SLC39A11: variants seen among roughly 807,000 people sequenced by gnomAD.
SLC39A11 encodes the protein zinc transporter ZIP11.
Under a neutral mutation model 36.1 loss-of-function variants are expected in SLC39A11, and 33 were observed. That is an observed-to-expected ratio of 0.91 (90% confidence interval 0.69 to 1.22). The LOEUF is 1.22. Ranked by LOEUF, SLC39A11 falls within the 50% of genes most tolerant of loss-of-function variation. The pLI, the probability that SLC39A11 is intolerant of heterozygous loss-of-function variation, is 0.00. For missense variants in SLC39A11, 432 were observed against 430.3 expected (o/e 1.00, Z -0.03); for synonymous variants, 166 against 170.3 (o/e 0.97, Z 0.20).
intron 5 of SLC39A11, among the ~76,000 whole-genome samples, chr17:72,903,704 G>A (rs1389854329): frequency 6.6e-6 from 1 of 152,148 alleles, no homozygotes; most frequent in Non-Finnish European, 1.5e-5. Flanking sequence ...GATAATGGAG[G>A]AAATCAATGT....
At chr17:72,784,890 C>T (rs1184488471) in intron 6 of SLC39A11, among the ~76,000 whole-genome samples, 5 of 147,490 alleles carry the variant, frequency 3.4e-5, no homozygotes, top group Non-Finnish European at 7.4e-5. Context: ...GATGGAATCT[C>T]GCTCTGTCGC....
intron 4 of SLC39A11, among the ~76,000 whole-genome samples, chr17:72,953,662 A>C (rs1217551286): frequency 6.6e-6 from 1 of 152,198 alleles, no homozygotes; most frequent in Non-Finnish European, 1.5e-5. Flanking sequence ...GGCCCCCCCT[A>C]CAAAGCACGT....
intron 6 of SLC39A11, among the ~76,000 whole-genome samples, chr17:72,783,550 T>C (rs1188245797): frequency 1.3e-5 from 2 of 152,246 alleles, no homozygotes; most frequent in East Asian, 3.8e-4. Flanking sequence ...GCCAGATGGC[T>C]GGAGGGCAGC....
chr17:72,689,815 C>T (rs562394078), intron 7 of SLC39A11, among the ~76,000 whole-genome samples: 1 of 152,228 alleles, frequency 6.6e-6, no homozygotes, highest in East Asian at 1.9e-4. Context: ...AGGGTGGCTG[C>T]TTATGGGTAT....
chr17:72,878,344 C>A (rs1237369771), intron 5 of SLC39A11, among the ~76,000 whole-genome samples: 2 of 152,126 alleles, frequency 1.3e-5, no homozygotes, highest in Non-Finnish European at 2.9e-5. Context: ...TTGGGGATTT[C>A]CAGAAAAAGA....
intron 7 of SLC39A11, among the ~76,000 whole-genome samples, chr17:72,704,046 C>T (rs754353260): frequency 1.3e-5 from 2 of 152,184 alleles, no homozygotes; most frequent in African/African-American, 2.4e-5. Context: ...GAGAACCACT[C>T]GAACCTGGGA....
At position 73,054,311 on chromosome 17, in the gene SLC39A11, A is replaced by G. The variant is rs986804401; in HGVS notation, c.148-22597T>C. Among the ~76,000 whole-genome samples the G allele has an allele frequency of 3.3e-5, 5 of 151,886 alleles. No homozygotes were observed. In the East Asian group the frequency reaches 7.7e-4, roughly 23 times the overall value. ...CGGGAGGCGGAGGTTGCAGTGAGCC[A>G]AGATCGCCACTGCACTCCAGCCTGG... is the stretch of plus-strand genomic sequence containing the variant. On this transcript the variant is annotated intron_variant, in intron 3 of 9. Transcript: ENST00000255559.
chr17:72,832,316 C>T (rs1199441474), intron 6 of SLC39A11, among the ~76,000 whole-genome samples: 1 of 152,144 alleles, frequency 6.6e-6, no homozygotes, highest in African/African-American at 2.4e-5. Context: ...TCGTCACGAG[C>T]CCCCTAGGGG....
chr17:72,738,952 C>A (rs2074550457), intron 6 of SLC39A11, among the ~76,000 whole-genome samples: 1 of 152,124 alleles, frequency 6.6e-6, no homozygotes, highest in South Asian at 2.1e-4. Flanking sequence ...GGTGAAAGTG[C>A]TCACCTGTGA....
intron 7 of SLC39A11, among the ~76,000 whole-genome samples, chr17:72,682,057 G>T (rs1174174072): frequency 1.3e-5 from 2 of 152,054 alleles, no homozygotes; most frequent in African/African-American, 4.8e-5. Context: ...ATCAGCGGCA[G>T]CATTAGACTC....
intron 7 of SLC39A11, chr17:72,664,287 G>GC (rs1258099354): frequency 6.6e-6 from 1 of 152,166 alleles, no homozygotes; most frequent in Non-Finnish European, 1.5e-5. Context: ...TGAAGGACAC[G>GC]CCGTGGGTCC....
Position 72,990,693 on chromosome 17 carries a change from G to A in SLC39A11, c.306+40863C>T, listed in dbSNP as rs571959687. Among the ~76,000 whole-genome samples, 5 of 152,256 alleles carry A rather than the reference G, an allele frequency of 3.3e-5. No homozygotes were observed. The South Asian group carries it at 1.0e-3, about 32-fold the overall frequency. On this transcript the variant is annotated intron_variant, in intron 4 of 9. Coordinates refer to ENST00000255559, the MANE Select transcript of SLC39A11 (RefSeq NM_139177.4). ...TTCACCTACCTCGGCCTCCCAAAGT[G>A]CTGGGATTACAGGCGTGAAGAACCG...
intron 5 of SLC39A11, among the ~76,000 whole-genome samples, chr17:72,898,090 T>C (rs1459600129): frequency 6.6e-6 from 1 of 152,108 alleles, no homozygotes; most frequent in African/African-American, 2.4e-5. Flanking sequence ...CCAAGTGAAC[T>C]GAATGCAGCA....
At chr17:72,887,052 G>C (rs1273899249) in intron 5 of SLC39A11, among the ~76,000 whole-genome samples, 1 of 152,184 alleles carries the variant, frequency 6.6e-6, no homozygotes, top group African/African-American at 2.4e-5. Flanking sequence ...TGCAGAGCCA[G>C]ATAACATTAC....
At chr17:72,681,550 C>A (rs2071510472) in intron 7 of SLC39A11, among the ~76,000 whole-genome samples, 1 of 152,190 alleles carries the variant, frequency 6.6e-6, no homozygotes, top group African/African-American at 2.4e-5. Context: ...TTCTCCCTAT[C>A]ACAGCCGCAG....
chr17:72,947,518 G>T (rs1208020805), intron 5 of SLC39A11: 2 of 594,030 alleles, frequency 3.4e-6, no homozygotes, highest in African/African-American at 1.9e-5. Flanking sequence ...TGATCAAAAG[G>T]TACCGTTACC....
intron 5 of SLC39A11, among the ~76,000 whole-genome samples, chr17:72,860,710 G>A (rs945087731): frequency 6.6e-6 from 1 of 152,178 alleles, no homozygotes; most frequent in African/African-American, 2.4e-5. Context: ...TATTGACAAG[G>A]AGGACTATCG....
At chr17:72,693,656 G>A (rs1200424843) in intron 7 of SLC39A11, among the ~76,000 whole-genome samples, 3 of 152,046 alleles carry the variant, frequency 2.0e-5, no homozygotes, top group Admixed American at 6.6e-5. Context: ...ACAGCAGCCC[G>A]CAGCTGCCAC....
intron 6 of SLC39A11, among the ~76,000 whole-genome samples, chr17:72,843,468 G>A (rs2078908533): frequency 6.6e-6 from 1 of 152,126 alleles, no homozygotes; most frequent in Non-Finnish European, 1.5e-5. Context: ...GAAGTGATTA[G>A]GTCGTGAGAT....
Sources: gnomAD v4.1 joint callset for allele counts (sites outside exome capture counted in the v4.1 genomes callset) on GRCh38, gnomAD v4.1.1 for gene constraint, MANE v1.5 for transcripts, NCBI Gene and HGNC (gene_info 2026-07-23, HGNC 2026-07-21) for gene names.